Variants in NSMCE1 observed in about 807,000 individuals in gnomAD.
The protein encoded by NSMCE1 is non-structural maintenance of chromosomes element 1 homolog.
A neutral mutation model predicts 29.6 loss-of-function variants in NSMCE1; 18 were observed. The ratio of observed to expected loss-of-function variants is 0.61; its 90% confidence interval spans 0.42 to 0.90. NSMCE1 has a LOEUF of 0.90. Among genes scored for constraint, NSMCE1 ranks in the 40% least tolerant of loss-of-function variants. The pLI, the probability that NSMCE1 is intolerant of heterozygous loss-of-function variation, is 0.00. For missense variants in NSMCE1, 314 were observed against 343.6 expected, an observed-to-expected ratio of 0.91 and a Z score of 0.68; for synonymous variants, 124 against 133.4, an observed-to-expected ratio of 0.93 and a Z score of 0.49.
intron 1 of NSMCE1, among the ~76,000 whole-genome samples, chr16:27,265,566 C>A (rs185652018): frequency 1.3e-5 from 2 of 152,178 alleles, no homozygotes. Flanking sequence ...CTTACAGAAA[C>A]TTCCACATTT....
In NSMCE1 at chr16:27,226,764, C is replaced by T. The variant is rs758457381; in HGVS notation, c.556G>A (p.Asp186Asn). The change falls in exon 6 of 8, where the codon GAC (aspartate) becomes AAC (asparagine). Residue 186 changes from aspartate (D) to asparagine (N), a missense_variant. By Grantham distance (23) the Asp-to-Asn change is conservative. Transcript: ENST00000361439. ...CAGATATTGCAGATCTTCACCGCGT[C>T]GGGGTACGTCTCCCGGATGTATTGC... is the stretch of plus-strand genomic sequence containing the variant. ...MEQYIRETYP[D>N]AVKICNICHS... The T allele has an allele frequency of 3.1e-6, 5 of 1,613,836 alleles. No individual in the cohort carries two copies. Among genetic ancestry groups the T allele is most frequent in the East Asian group, 2.2e-5 (1 of 44,894 alleles).
intron 2 of NSMCE1, among the ~76,000 whole-genome samples, chr16:27,245,006 G>T (rs543380890): frequency 6.6e-6 from 1 of 152,280 alleles, no homozygotes; most frequent in East Asian, 1.9e-4. Context: ...TATCATACCA[G>T]CACCATGGGT....
At chr16:27,226,117 C>T in intron 6 of NSMCE1, 1 of 344,972 alleles carries the variant, frequency 2.9e-6, no homozygotes, top group South Asian at 3.7e-5. Context: ...TCAGATCCTG[C>T]AGGTGGCGTG....
At position 27,226,762 on chromosome 16, in the gene NSMCE1, G is replaced by C. The variant is rs77130343; in HGVS notation, c.558C>G (p.Asp186Glu). ...GACAGATATTGCAGATCTTCACCGC[G>C]TCGGGGTACGTCTCCCGGATGTATT... is the stretch of plus-strand genomic sequence containing the variant. ...MEQYIRETYP[D>E]AVKICNICHS... The change falls in exon 6 of 8, where the codon GAC becomes GAG. Residue 186 changes from aspartate to glutamate, a missense_variant. Transcript: ENST00000361439. The C allele has an allele frequency of 6.2e-7, 1 of 1,613,748 alleles. No homozygotes were observed. Among genetic ancestry groups the C allele is most frequent in the African/African-American group, 1.3e-5 (1 of 74,934 alleles).
intron 2 of NSMCE1, among the ~76,000 whole-genome samples, chr16:27,242,785 TC>T (rs2083908596): frequency 6.6e-6 from 1 of 152,242 alleles, no homozygotes; most frequent in Admixed American, 6.5e-5. Flanking sequence ...GGTCCATCTA[TC>T]CTTGAGATGA....
At chr16:27,250,354 A>T (rs2084011134) in intron 2 of NSMCE1, among the ~76,000 whole-genome samples, 1 of 152,198 alleles carries the variant, frequency 6.6e-6, no homozygotes, top group Non-Finnish European at 1.5e-5. Context: ...TTTCACCATT[A>T]AGAGTGATGT....
In NSMCE1 at chr16:27,235,177, C is replaced by T. The variant is rs1480912565; in HGVS notation, c.258+1G>A. 3 of 1,613,770 alleles carry T rather than the reference C, an allele frequency of 1.9e-6. No homozygotes were observed. The highest frequency in any genetic ancestry group is 3.3e-5 in the Admixed American group (2 of 59,864). On this transcript the variant is annotated splice_donor_variant, in intron 3 of 7. Coordinates refer to ENST00000361439, the MANE Select transcript of NSMCE1 (RefSeq NM_145080.4). LOFTEE classifies it high-confidence loss of function. ...ACTAGAGGGCTCTGCCGGGCACTCA[C>T]CAACGCATAAATGGGTCTCCCATCA...
chr16:27,236,121 C>A (rs2083821219), intron 2 of NSMCE1, among the ~76,000 whole-genome samples: 1 of 152,146 alleles, frequency 6.6e-6, no homozygotes, highest in South Asian at 2.1e-4. Flanking sequence ...GAGGAGGGGG[C>A]ACCCACACTA....
Position 27,234,384 on chromosome 16 carries a change from G to A in NSMCE1, c.259-119C>T. ...GCCAGTCACTGAGCTCCTGTATCCA[G>A]GCACTGCGGGCCGCAGGGATGGATC... is the stretch of plus-strand genomic sequence containing the variant. On this transcript the variant is annotated intron_variant, in intron 3 of 7. Coordinates refer to ENST00000361439, the MANE Select transcript of NSMCE1 (RefSeq NM_145080.4). The A allele has an allele frequency of 1.7e-5, 13 of 743,732 alleles. No individual in the cohort carries two copies. In the South Asian group the frequency reaches 1.8e-4, roughly 10 times the overall value. 46.1% of individuals were successfully genotyped at this position (743,732 alleles called of 1,614,324 possible). A position where few individuals can be genotyped will look rare whatever the true frequency, so the allele number is the denominator to read the frequency against.
At chr16:27,241,754 C>T (rs764199223) in intron 2 of NSMCE1, 315 of 390,032 alleles carry the variant, frequency 8.1e-4, no homozygotes, top group Non-Finnish European at 1.3e-3. Flanking sequence ...TCCTCTCCAT[C>T]GGTGCACCAG....
At chr16:27,249,677 A>T (rs1427637325) in intron 2 of NSMCE1, among the ~76,000 whole-genome samples, 1 of 152,224 alleles carries the variant, frequency 6.6e-6, no homozygotes, top group Non-Finnish European at 1.5e-5. Flanking sequence ...GGACAGCCAT[A>T]CAGTAAGTCT....
rs570611602 is a variant in NSMCE1, at chr16:27,233,486, C to T, written c.337-339G>A. Among the ~76,000 whole-genome samples, 38 of 152,118 alleles carry T rather than the reference C, an allele frequency of 2.5e-4. No individual in the cohort carries two copies. The South Asian group carries it at 7.1e-3, about 28-fold the overall frequency. ...GCTGGGGAAGACAGGTTCCTGCACA[C>T]GCAGGTGTGTGCTCAGCTCAGCACC... On this transcript the variant is annotated intron_variant, in intron 4 of 7. Transcript: ENST00000361439.
chr16:27,235,259 G>A lies in NSMCE1; in HGVS notation c.177C>T (p.Asn59=), dbSNP rs1053298380. ...ACAAGGACTCCAAGACACTGTTAATGTTGTTGATGAAGTCCTCCAACTTAT... is the reference window on the plus strand; with the variant it reads ...ACAAGGACTCCAAGACACTGTTAATATTGTTGATGAAGTCCTCCAACTTAT... ...TVDKLEDFIN[N]INSVLESLYI... Residue 59 remains asparagine (N), a synonymous_variant, in exon 3 of 8, where the codon AAC becomes AAT. Transcript: ENST00000361439. 2 of 1,613,334 alleles carry A rather than the reference G, an allele frequency of 1.2e-6. No individual in the cohort carries two copies. Among genetic ancestry groups the A allele is most frequent in the Non-Finnish European group, 1.7e-6 (2 of 1,179,512 alleles).
chr16:27,258,843 C>T (rs1327251912), intron 1 of NSMCE1, among the ~76,000 whole-genome samples: 7 of 151,944 alleles, frequency 4.6e-5, no homozygotes, highest in African/African-American at 2.4e-5. Flanking sequence ...CTCTGCCTCC[C>T]GGGTTCCAGT....
intron 5 of NSMCE1, among the ~76,000 whole-genome samples, chr16:27,228,851 A>G (rs1319824075): frequency 8.3e-6 from 1 of 121,004 alleles, no homozygotes; most frequent in Non-Finnish European, 1.7e-5. Context: ...CAGATGCATC[A>G]TGGTACCCCA....
chr16:27,240,058 A>C (rs562146213), intron 2 of NSMCE1, among the ~76,000 whole-genome samples: 1 of 152,274 alleles, frequency 6.6e-6, no homozygotes, highest in East Asian at 1.9e-4. Context: ...AGGCTTGGAG[A>C]GGTTAACAAC....
rs2083767877 is a variant in NSMCE1 at position 27,232,029 on chromosome 16, C to A, written c.483+972G>T. On this transcript the variant is annotated intron_variant, in intron 5 of 7. Coordinates refer to ENST00000361439, the MANE Select transcript of NSMCE1 (RefSeq NM_145080.4). The surrounding 1 kb of genome is among the most constrained non-coding windows in gnomAD (Gnocchi z 4.5). ...CATCAGGTACCCCAGGAACTGAATT[C>A]GGGTCAGGTTCCTGGGACAGGCCCA... is the stretch of plus-strand genomic sequence containing the variant. 1.3e-5 allele frequency among the ~76,000 whole-genome samples: 2 copies of A among 152,206 alleles called. No individual in the cohort carries two copies. Among genetic ancestry groups the A allele is most frequent in the South Asian group, 2.1e-4 (1 of 4,830 alleles).
intron 4 of NSMCE1, 189 bp downstream of exon 4, chr16:27,233,999 C>T (rs995757775): frequency 5.3e-6 from 3 of 561,880 alleles, no homozygotes; most frequent in Non-Finnish European, 9.5e-6. Context: ...GCCATGGGGA[C>T]CCCCTGGCAG....
chr16:27,243,396 G>A (rs757128790), intron 2 of NSMCE1, among the ~76,000 whole-genome samples: 1 of 152,218 alleles, frequency 6.6e-6, no homozygotes, highest in Non-Finnish European at 1.5e-5. Flanking sequence ...AATGGACCGT[G>A]TTACACTCAT....
Sources: gnomAD v4.1 joint callset for allele counts (sites outside exome capture counted in the v4.1 genomes callset) on GRCh38, gnomAD v4.1.1 for gene constraint, Gnocchi (gnomAD v3.1) non-coding constraint, MANE v1.5 for transcripts, NCBI Gene and HGNC (gene_info 2026-07-23, HGNC 2026-07-21) for gene names.